The following BNC1 variants were observed in gnomAD, a reference collection of about 807,000 sequenced individuals.
BNC1 encodes basonuclin zinc finger protein 1, also known as zinc finger protein basonuclin-1.
A neutral mutation model predicts 66.5 loss-of-function variants in BNC1; 8 were observed. The ratio of observed to expected loss-of-function variants is 0.12; its 90% CI spans 0.07 to 0.22. The LOEUF (loss-of-function observed/expected upper bound fraction) is 0.22. BNC1 is among the 10% of genes least tolerant of loss of function. The pLI, the probability that BNC1 is intolerant of heterozygous loss-of-function variation, is 1.00. For missense variants in BNC1, 1,069 were observed against 1,241.3 expected, an observed-to-expected ratio of 0.86 and a Z score of 2.09; for synonymous variants, 454 against 452.6, an observed-to-expected ratio of 1.00 and a Z score of -0.04.
chr15:83,274,611 T>C (rs1011431904), intron 1 of BNC1, among the ~76,000 whole-genome samples: 2 of 152,192 alleles, frequency 1.3e-5, no homozygotes, highest in Non-Finnish European at 2.9e-5. Context: ...ATGTGATCTA[T>C]TTTAAACCTC....
intron 3 of BNC1, among the ~76,000 whole-genome samples, 161 bp downstream of exon 3, chr15:83,266,675 C>G (rs539172878): frequency 8.5e-5 from 13 of 152,090 alleles, no homozygotes; most frequent in African/African-American, 2.2e-4. Context: ...TGGACTCCCC[C>G]CAAGAACATG....
Position 83,257,893 on chromosome 15 carries a change from T to C in BNC1, c.2534A>G (p.Tyr845Cys). The C allele has an allele frequency of 6.2e-7, 1 of 1,614,202 alleles. No homozygotes were observed. The highest frequency in any genetic ancestry group is 8.5e-7 in the Non-Finnish European group (1 of 1,180,030). Residue 845 changes from tyrosine to cysteine, a missense_variant, in exon 5 of 5, where the codon TAC (tyrosine) becomes TGC (cysteine). Coordinates refer to ENST00000345382, the MANE Select transcript of BNC1 (RefSeq NM_001717.4). Reference protein sequence around the residue: ...TQVHSASLESYNSGPLSEGTI... With the variant: ...TQVHSASLESCNSGPLSEGTI... ...GCCCTCGCTCAAGGGGCCAGAGTTG[T>C]AGCTCTCCAGGCTGGCACTGTGGAC...
intron 1 of BNC1, chr15:83,283,557 C>A: frequency 1.0e-6 from 1 of 970,328 alleles, no homozygotes. Context: ...GGGGGCTTCC[C>A]GTCCCGGCGC....
rs370870891 is a variant in BNC1, at chr15:83,263,760, C to T, written c.1491G>A (p.Thr497=). The change falls in exon 4 of 5, where the codon ACG becomes ACA. Residue 497 remains threonine (T), a synonymous_variant. Coordinates refer to ENST00000345382, the MANE Select transcript of BNC1 (RefSeq NM_001717.4). ...CAGGCGTGTTTGCTACCTCGGCAGG[C>T]GTGGCTGGACTGCGGTAGAAAGGAA... is the stretch of plus-strand genomic sequence containing the variant. ...PVLPFYRSPA[T]PAEVANTPGI... is the part of the protein sequence containing the mutation. 6.4e-5 allele frequency: 103 copies of T among 1,614,136 alleles called. No individual in the cohort carries two copies. Among genetic ancestry groups the T allele is most frequent in the South Asian group, 5.4e-4 (49 of 91,084 alleles).
At chr15:83,269,759 A>G (rs2038252106) in intron 1 of BNC1, among the ~76,000 whole-genome samples, 1 of 152,226 alleles carries the variant, frequency 6.6e-6, no homozygotes. Flanking sequence ...CATGTCTACA[A>G]AAACTTGTAT....
At chr15:83,262,045 G>GTTTTTTTTTTTTTT (rs5814139) in intron 4 of BNC1, among the ~76,000 whole-genome samples, 2 of 110,538 alleles carry the variant, frequency 1.8e-5, no homozygotes, top group Non-Finnish European at 3.5e-5. Flanking sequence ...ACTAGTTCAT[G>GTTTTTTTTTTTTTT]TTTTTTTTTT....
chr15:83,263,891 G>T lies in BNC1; in HGVS notation c.1360C>A (p.Pro454Thr). 3 of 1,614,202 alleles carry T rather than the reference G, an allele frequency of 1.9e-6. No homozygotes were observed. Among genetic ancestry groups the T allele is most frequent in the Non-Finnish European group, 2.5e-6 (3 of 1,180,038 alleles). Residue 454 changes from proline to threonine, a missense_variant, in exon 4 of 5, where the codon CCC becomes ACC. Physicochemically the swap from Pro to Thr is conservative, Grantham distance 38 (BLOSUM62 -1). This residue lies in a region of BNC1 where 657 missense variants were observed against 715.8 expected (regional missense o/e 0.92). Transcript: ENST00000345382. ...TCCTCTCCTGAACCAGGGTAGCTGG[G>T]AGGAGGCCTACAGTCTGGGGACGTC... ...TVTSPDCRPP[P>T]SYPGSGEDSK... is the part of the protein sequence containing the mutation.
chr15:83,261,166 A>G lies in BNC1; in HGVS notation c.2300+1785T>C, dbSNP rs141948156. Reference sequence around the variant, plus strand: ...GACCAACATGACTGTCTCTGTAGCAACAGCTTATTCATGAACAAACACTCC... The same window carrying G: ...GACCAACATGACTGTCTCTGTAGCAGCAGCTTATTCATGAACAAACACTCC... On this transcript the variant is annotated intron_variant, in intron 4 of 4. Transcript: ENST00000345382. Among the ~76,000 whole-genome samples, 4 of 152,366 alleles carry G rather than the reference A, an allele frequency of 2.6e-5. No individual in the cohort carries two copies. In the East Asian group the frequency reaches 7.7e-4, roughly 29 times the overall value.
Position 83,284,549 on chromosome 15 carries a change from C to G in BNC1, c.80G>C (p.Ser27Thr). Residue 27 changes from serine to threonine, a missense_variant, in exon 1 of 5, where the codon AGC becomes ACC. Coordinates refer to ENST00000345382, the MANE Select transcript of BNC1 (RefSeq NM_001717.4). ...GCTTACCTCGGCCATCCTGCGACCG[C>G]TGCGGTGCCGGGGCTGCCGGCGCGT... ...RETRRQPRHRSGRRMAEAISC... is the reference protein window; with the variant it reads ...RETRRQPRHRTGRRMAEAISC... 1 of 1,162,456 alleles carries G rather than the reference C, an allele frequency of 8.6e-7. No individual in the cohort carries two copies. The highest frequency in any genetic ancestry group is 1.1e-6 in the Non-Finnish European group (1 of 936,686). 72.0% of individuals were successfully genotyped at this position (1,162,456 alleles called of 1,614,324 possible). A position where few individuals can be genotyped will look rare whatever the true frequency, so the allele number is the denominator to read the frequency against.
Position 83,267,051 on chromosome 15 carries a change from G to A in BNC1, c.220C>T (p.Pro74Ser). 1 of 1,613,686 alleles carries A rather than the reference G, an allele frequency of 6.2e-7. No homozygotes were observed. Among genetic ancestry groups the A allele is most frequent in the Non-Finnish European group, 8.5e-7 (1 of 1,179,722 alleles). The change falls in exon 3 of 5, where the codon CCC becomes TCC. Residue 74 changes from proline to serine, a missense_variant. Coordinates refer to ENST00000345382, the MANE Select transcript of BNC1 (RefSeq NM_001717.4). ...VAHALSKLRI[P>S]PMYPTSQVEI... is the part of the protein sequence containing the mutation. ...ACCTGGCTTGTTGGATACATGGGGGGGATCCTTAGCTTACTTAGAGCTGAA... is the reference window on the plus strand; with the variant it reads ...ACCTGGCTTGTTGGATACATGGGGGAGATCCTTAGCTTACTTAGAGCTGAA...
chr15:83,266,829 A>G lies in BNC1; in HGVS notation c.435+7T>C. The G allele has an allele frequency of 3.1e-6, 5 of 1,611,080 alleles. No homozygotes were observed. Among genetic ancestry groups the G allele is most frequent in the Non-Finnish European group, 4.2e-6 (5 of 1,177,164 alleles). ...CCCTAGGAGGACAATGTTCATGTTTACTGTACCTGCAGTACGTATCCACGG... is the reference window on the plus strand; with the variant it reads ...CCCTAGGAGGACAATGTTCATGTTTGCTGTACCTGCAGTACGTATCCACGG... On this transcript the variant is annotated splice_region_variant and intron_variant, in intron 3 of 4. Coordinates refer to ENST00000345382, the MANE Select transcript of BNC1 (RefSeq NM_001717.4).
Position 83,284,586 on chromosome 15 carries a change from G to C in BNC1, c.43C>G (p.Arg15Gly). Residue 15 changes from arginine to glycine, a missense_variant, in exon 1 of 5, where the codon CGG (arginine) becomes GGG (glycine). Physicochemically the swap from Arg to Gly is moderately radical, Grantham distance 125. Transcript: ENST00000345382. Reference protein sequence around the residue: ...PPSRGGRGAARARETRRQPRH... With the variant: ...PPSRGGRGAAGARETRRQPRH... Reference sequence around the variant, plus strand: ...GGCTGCCGGCGCGTCTCCCGGGCCCGGGCCGCCCCGCGTCCGCCCCGGCTC... The same window carrying C: ...GGCTGCCGGCGCGTCTCCCGGGCCCCGGCCGCCCCGCGTCCGCCCCGGCTC... The C allele has an allele frequency of 2.3e-5, 24 of 1,040,842 alleles. No individual in the cohort carries two copies. The highest frequency in any genetic ancestry group is 2.8e-5 in the Non-Finnish European group (24 of 868,072). 64.5% of individuals were successfully genotyped at this position (1,040,842 alleles called of 1,614,324 possible). A position where few individuals can be genotyped will look rare whatever the true frequency, so the allele number is the denominator to read the frequency against.
chr15:83,278,411 A>C (rs2038347329), intron 1 of BNC1, among the ~76,000 whole-genome samples: 2 of 152,204 alleles, frequency 1.3e-5, no homozygotes, highest in African/African-American at 4.8e-5. Flanking sequence ...TTGGTCAAAA[A>C]CAGCAGAGTA....
In BNC1 at chr15:83,256,233, C is replaced by G. The variant is rs1055532219; in HGVS notation, c.*1209G>C. ...GAATACAAAATCAATGTCCTTGTAC[C>G]TACACAGGCTTTTAGAATGCTGCAA... On this transcript the variant is annotated 3_prime_UTR_variant, in exon 5 of 5. Transcript: ENST00000345382. The G allele has an allele frequency of 6.6e-5, 10 of 152,554 alleles. No individual in the cohort carries two copies. Among genetic ancestry groups the G allele is most frequent in the African/African-American group, 2.4e-4 (10 of 41,422 alleles). The allele number at this position is 152,554 out of a possible 1,614,324, so 9.5% of individuals were successfully genotyped here.
chr15:83,263,980 T>C lies in BNC1; in HGVS notation c.1271A>G (p.Lys424Arg), dbSNP rs1186064647. Residue 424 changes from lysine to arginine, a missense_variant, in exon 4 of 5, where the codon AAA becomes AGA. Physicochemically the swap from Lys to Arg is conservative, Grantham distance 26 (BLOSUM62 2). Around this residue, in one of 7 missense-constraint regions of BNC1, gnomAD observed 657 missense variants for 715.8 expected, o/e 0.92. Transcript: ENST00000345382. ...HMPMNRNNRD[K>R]DLRNSLNLAS... ...CAGGTTCAGGCTGTTCCTGAGGTCT[T>C]TGTCCCGGTTATTTCTGTTCATTGG... The C allele has an allele frequency of 6.2e-7, 1 of 1,614,094 alleles. No homozygotes were observed. Among genetic ancestry groups the C allele is most frequent in the Non-Finnish European group, 8.5e-7 (1 of 1,180,052 alleles).
chr15:83,257,892 G>A lies in BNC1; in HGVS notation c.2535C>T (p.Tyr845=). The change falls in exon 5 of 5, where the codon TAC becomes TAT. Residue 845 remains tyrosine, a synonymous_variant. Transcript: ENST00000345382. ...TQVHSASLES[Y]NSGPLSEGTI... is the part of the protein sequence containing the mutation. ...TGCCCTCGCTCAAGGGGCCAGAGTT[G>A]TAGCTCTCCAGGCTGGCACTGTGGA... 6.2e-7 allele frequency: 1 copy of A among 1,614,076 alleles called. No individual in the cohort carries two copies. Among genetic ancestry groups the A allele is most frequent in the Non-Finnish European group, 8.5e-7 (1 of 1,179,970 alleles).
intron 1 of BNC1, among the ~76,000 whole-genome samples, chr15:83,272,564 G>T (rs2038280153): frequency 6.6e-6 from 1 of 151,926 alleles, no homozygotes; most frequent in African/African-American, 2.4e-5. Context: ...ACAAGATGTT[G>T]GAATTATATG....
chr15:83,280,726 G>A (rs181798131), intron 1 of BNC1, among the ~76,000 whole-genome samples: 183 of 152,270 alleles, frequency 1.2e-3, no homozygotes, highest in African/African-American at 4.2e-3. Context: ...TCCGGAAGCT[G>A]ATGTACAACT....
intron 1 of BNC1, among the ~76,000 whole-genome samples, chr15:83,276,487 T>C (rs1056643186): frequency 6.6e-5 from 10 of 152,212 alleles, no homozygotes; most frequent in Admixed American, 1.3e-4. Flanking sequence ...TTAATCTTTT[T>C]CCCCCAGTTA....
Sources: gnomAD v4.1 joint callset for allele counts (sites outside exome capture counted in the v4.1 genomes callset) on GRCh38, gnomAD v4.1.1 for gene constraint, gnomAD v4.1.1 regional missense constraint, MANE v1.5 for transcripts, NCBI Gene and HGNC (gene_info 2026-07-23, HGNC 2026-07-21) for gene names.